Variants in FER observed in about 807,000 individuals in gnomAD.
FER encodes tyrosine-protein kinase Fer.
Under a neutral mutation model 111.0 loss-of-function variants are expected in FER, and 63 were observed. That is an observed-to-expected ratio of 0.57 (90% CI 0.46 to 0.70). The LOEUF (loss-of-function observed/expected upper bound fraction) is 0.70. FER is among the 30% of genes least tolerant of loss of function. The pLI is 0.00. For synonymous variants in FER, 327 were observed against 313.9 expected (o/e 1.04, Z -0.44); for missense variants, 914 against 954.0 (o/e 0.96, Z 0.55).
intron 10 of FER, among the ~76,000 whole-genome samples, chr5:108,903,561 T>C (rs185989926): frequency 4.6e-5 from 7 of 152,328 alleles, no homozygotes; most frequent in Admixed American, 1.3e-4. Flanking sequence ...GAGTTTTCTT[T>C]TCCGTAGAGG....
At chr5:108,797,765 A>T (rs1756199606) in intron 2 of FER, among the ~76,000 whole-genome samples, 1 of 152,210 alleles carries the variant, frequency 6.6e-6, no homozygotes. Flanking sequence ...GGCAGGGGGC[A>T]GGGAGGCATA....
intron 16 of FER, among the ~76,000 whole-genome samples, chr5:109,053,085 C>G (rs1773067521): frequency 6.6e-6 from 1 of 152,030 alleles, no homozygotes; most frequent in Non-Finnish European, 1.5e-5. Flanking sequence ...TGTCACAAGT[C>G]TCAGAAAAGT....
At chr5:108,802,573 T>A (rs544263994) in intron 3 of FER, among the ~76,000 whole-genome samples, 1 of 152,192 alleles carries the variant, frequency 6.6e-6, no homozygotes, top group Admixed American at 6.5e-5. Flanking sequence ...GTGTACCCAA[T>A]GTTTAGCTGC....
chr5:108,856,763 C>CT (rs1032368702), intron 5 of FER, among the ~76,000 whole-genome samples: 20 of 149,494 alleles, frequency 1.3e-4, no homozygotes, highest in South Asian at 2.1e-4. Context: ...AGAGTTAAAT[C>CT]TTTTTTTTTT....
intron 17 of FER, among the ~76,000 whole-genome samples, chr5:109,178,309 A>T (rs1193198812): frequency 6.6e-6 from 1 of 152,236 alleles, no homozygotes; most frequent in Non-Finnish European, 1.5e-5. Flanking sequence ...TTTTATTTAC[A>T]CTGAATTGAG....
rs183733454 is a variant in FER, at chr5:108,764,133, G to A, written c.-205-3960G>A. The stretch of plus-strand genomic sequence containing the variant: ...GCTGGTGATCAATGCCACCCAAACC[G>A]TGTGGATTGATGATAAGAGAAGGAT... On this transcript the variant is annotated intron_variant, in intron 1 of 19. Transcript: ENST00000281092. Among the ~76,000 whole-genome samples the A allele has an allele frequency of 5.9e-5, 9 of 152,212 alleles. No homozygotes were observed. The South Asian group carries it at 6.2e-4, about 11-fold the overall frequency.
chr5:108,886,177 G>T (rs998667371), intron 9 of FER, among the ~76,000 whole-genome samples: 3 of 151,672 alleles, frequency 2.0e-5, no homozygotes, highest in Admixed American at 6.6e-5. Flanking sequence ...TAATCTAGAA[G>T]TTATGAGATT....
intron 13 of FER, among the ~76,000 whole-genome samples, chr5:109,004,589 A>C (rs1269723936): frequency 6.6e-6 from 1 of 152,236 alleles, no homozygotes; most frequent in East Asian, 1.9e-4. Context: ...ATATCCTTCT[A>C]ATTGAACAGA....
intron 16 of FER, among the ~76,000 whole-genome samples, chr5:109,060,789 C>T (rs201530646): frequency 2.1e-4 from 28 of 132,718 alleles, no homozygotes; most frequent in African/African-American, 7.4e-4. Context: ...TATATATATA[C>T]ACACCAAACA....
intron 16 of FER, among the ~76,000 whole-genome samples, chr5:109,082,881 T>C (rs1006286455): frequency 6.6e-6 from 1 of 152,022 alleles, no homozygotes; most frequent in Non-Finnish European, 1.5e-5. Flanking sequence ...CTGTTCATCA[T>C]GTGGAAATCT....
chr5:109,166,228 A>G (rs1756544116), intron 17 of FER, among the ~76,000 whole-genome samples: 1 of 151,928 alleles, frequency 6.6e-6, no homozygotes, highest in Non-Finnish European at 1.5e-5. Context: ...GATATGACTT[A>G]ATAGCCTGGC....
chr5:108,849,983 A>G (rs1228459605), intron 5 of FER, among the ~76,000 whole-genome samples: 1 of 152,146 alleles, frequency 6.6e-6, no homozygotes. Context: ...TGAGGTCAAG[A>G]GATCAAGACC....
chr5:108,811,153 C>T (rs1466015648), intron 3 of FER, among the ~76,000 whole-genome samples: 1 of 151,916 alleles, frequency 6.6e-6, no homozygotes, highest in Non-Finnish European at 1.5e-5. Flanking sequence ...CTCTGAATGC[C>T]TGGAGATCTG....
chr5:109,036,095 T>C (rs1770356385), intron 13 of FER, among the ~76,000 whole-genome samples: 1 of 152,112 alleles, frequency 6.6e-6, no homozygotes, highest in African/African-American at 2.4e-5. Flanking sequence ...TTCTCCCAGG[T>C]TGTAGTTTGT....
At chr5:109,087,095 C>T (rs1777650249) in intron 16 of FER, among the ~76,000 whole-genome samples, 1 of 150,938 alleles carries the variant, frequency 6.6e-6, no homozygotes, top group African/African-American at 2.4e-5. Context: ...AGGGTTAGGA[C>T]TTAAATATAA....
intron 16 of FER, among the ~76,000 whole-genome samples, chr5:109,071,522 ATC>A (rs1291025202): frequency 6.6e-6 from 1 of 152,030 alleles, no homozygotes; most frequent in Non-Finnish European, 1.5e-5. Context: ...TATATGTATC[ATC>A]TTTTTCATAT....
chr5:109,010,771 T>A (rs1281691315), intron 13 of FER, among the ~76,000 whole-genome samples: 2 of 152,220 alleles, frequency 1.3e-5, no homozygotes, highest in Non-Finnish European at 2.9e-5. Context: ...TTGGAACATC[T>A]GCCCTCTCGT....
rs920961898 is a variant in FER, at chr5:108,925,511, A to T, written c.1237-20619A>T. On this transcript the variant is annotated intron_variant, in intron 10 of 19. Transcript: ENST00000281092. ...TTTAAATCTGTTGTGTTGGTGAAGA[A>T]TTATATTTATATGTCATTTTGCGAC... 2.6e-4 allele frequency among the ~76,000 whole-genome samples: 39 copies of T among 152,218 alleles called. No homozygotes were observed. The East Asian group carries it at 6.8e-3, about 26-fold the overall frequency.
intron 12 of FER, 81 bp from the exon 13 acceptor site, chr5:108,959,144 A>C: frequency 1.4e-6 from 2 of 1,442,294 alleles, no homozygotes; most frequent in Non-Finnish European, 1.9e-6. Flanking sequence ...TTTTTTAAGA[A>C]AGGAATCTAA....
Sources: allele counts gnomAD v4.1 joint callset (sites outside exome capture counted in the v4.1 genomes callset), GRCh38; gene constraint gnomAD v4.1.1; transcripts MANE v1.5; gene names NCBI Gene and HGNC (gene_info 2026-07-23, HGNC 2026-07-21).